The following CLCF1 variants were observed in gnomAD, a reference collection of about 807,000 sequenced individuals.
CLCF1 encodes cardiotrophin-like cytokine factor 1.
CLCF1 carries 10 observed loss-of-function variants against 21.2 expected under a neutral mutation model. The observed-to-expected ratio is 0.47, with a 90% confidence interval of 0.29 to 0.80. The LOEUF is 0.80. Ranked by LOEUF, CLCF1 falls within the 30% of genes least tolerant of loss-of-function variation. The pLI, the probability that CLCF1 is intolerant of heterozygous loss-of-function variation, is 0.09. For missense variants in CLCF1, 240 were observed against 293.4 expected, an observed-to-expected ratio of 0.82 and a Z score of 1.33; for synonymous variants, 115 against 120.5, an observed-to-expected ratio of 0.95 and a Z score of 0.30.
upstream of CLCF1, chr11:67,373,655 G>A (rs1227760072): frequency 6.4e-6 from 8 of 1,257,328 alleles, no homozygotes; most frequent in African/African-American, 9.3e-5. Context: ...CCCACTCGCA[G>A]GTTTTTTTCG....
chr11:67,365,659 G>A lies in CLCF1; in HGVS notation c.184-29C>T, dbSNP rs1862080049. 1 of 1,583,974 alleles carries A rather than the reference G, an allele frequency of 6.3e-7. No individual in the cohort carries two copies. The highest frequency in any genetic ancestry group is 1.1e-5 in the South Asian group (1 of 87,698). ...TGAAAAGGAGAGGGTGATGGGGAAGGAGGAGGGCAGAGCCGCTGGCTCACC... is the reference window on the plus strand; with the variant it reads ...TGAAAAGGAGAGGGTGATGGGGAAGAAGGAGGGCAGAGCCGCTGGCTCACC... On this transcript the variant is annotated intron_variant, in intron 2 of 2. Coordinates refer to ENST00000312438, the MANE Select transcript of CLCF1 (RefSeq NM_013246.3). The surrounding 1 kb of genome is among the most constrained non-coding windows in gnomAD (Gnocchi z 5.0).
intron 1 of CLCF1, 59 bp downstream of exon 1, chr11:67,373,465 C>G: frequency 1.0e-6 from 1 of 972,724 alleles, no homozygotes; most frequent in Non-Finnish European, 1.5e-6. Context: ...AGGACGGGAA[C>G]CGGATCTCGT....
At position 67,365,761 on chromosome 11, in the gene CLCF1, T is replaced by G; in HGVS notation, c.184-131A>C. 1.5e-6 allele frequency: 2 copies of G among 1,354,870 alleles called. No individual in the cohort carries two copies. Among genetic ancestry groups the G allele is most frequent in the Non-Finnish European group, 2.0e-6 (2 of 1,011,900 alleles). The allele number at this position is 1,354,870 out of a possible 1,614,324, so 83.9% of individuals were successfully genotyped here. The stretch of plus-strand genomic sequence containing the variant: ...TGGCCCTGTCTCCATGCTAGGCTTC[T>G]TTGTTCATGGCCTCCCTGAGTTTTT... On this transcript the variant is annotated intron_variant, in intron 2 of 2. Coordinates refer to ENST00000312438, the MANE Select transcript of CLCF1 (RefSeq NM_013246.3). The surrounding 1 kb of genome is among the most constrained non-coding windows in gnomAD (Gnocchi z 5.0).
Position 67,365,737 on chromosome 11 carries a change from G to C in CLCF1, c.184-107C>G. 6.8e-7 allele frequency: 1 copy of C among 1,465,392 alleles called. No individual in the cohort carries two copies. Among genetic ancestry groups the C allele is most frequent in the South Asian group, 1.4e-5 (1 of 71,266 alleles). The allele number at this position is 1,465,392 out of a possible 1,614,324, so 90.8% of individuals were successfully genotyped here. Reference sequence around the variant, plus strand: ...TCTATTTTTTGTGTCCCCTGACACTGGCCCTGTCTCCATGCTAGGCTTCTT... The same window carrying C: ...TCTATTTTTTGTGTCCCCTGACACTCGCCCTGTCTCCATGCTAGGCTTCTT... On this transcript the variant is annotated intron_variant, in intron 2 of 2. Transcript: ENST00000312438. The surrounding 1 kb of genome is among the most constrained non-coding windows in gnomAD (Gnocchi z 5.0).
intron 1 of CLCF1, among the ~76,000 whole-genome samples, chr11:67,371,635 G>C (rs1286424510): frequency 6.6e-6 from 1 of 152,170 alleles, no homozygotes; most frequent in Non-Finnish European, 1.5e-5. Context: ...CCAGCGGGGA[G>C]CCAGGGGGGA....
intron 1 of CLCF1, chr11:67,370,911 T>C: frequency 1.0e-6 from 1 of 985,442 alleles, no homozygotes; most frequent in Non-Finnish European, 1.2e-6. Context: ...AGGGAGGCAC[T>C]GCAGAGCTCC....
intron 1 of CLCF1, among the ~76,000 whole-genome samples, chr11:67,371,630 G>A (rs1415763075): frequency 1.3e-5 from 2 of 152,172 alleles, no homozygotes; most frequent in African/African-American, 2.4e-5. Flanking sequence ...GGAGGCCAGC[G>A]GGGAGCCAGG....
At chr11:67,370,122 G>A in intron 1 of CLCF1, 2 of 985,386 alleles carry the variant, frequency 2.0e-6, no homozygotes, top group Non-Finnish European at 2.4e-6. Context: ...AAGAAAGGGG[G>A]GGTAGAAGGA....
At chr11:67,371,750 G>T (rs564975335) in intron 1 of CLCF1, among the ~76,000 whole-genome samples, 91 of 152,230 alleles carry the variant, frequency 6.0e-4, no homozygotes, top group Non-Finnish European at 1.1e-3. Flanking sequence ...AGGGGCGTGG[G>T]GGGGGAGGAG....
chr11:67,369,296 A>G, intron 1 of CLCF1: 1 of 985,374 alleles, frequency 1.0e-6, no homozygotes. Context: ...GGGTACCACA[A>G]GTCACAGGGT....
intron 2 of CLCF1, among the ~76,000 whole-genome samples, chr11:67,366,101 A>G (rs891179818): frequency 1.3e-5 from 2 of 152,230 alleles, no homozygotes; most frequent in African/African-American, 4.8e-5. Context: ...ATGAGCCTTC[A>G]AAACACTGTC....
In CLCF1 at chr11:67,364,611, C is replaced by T. The variant is rs1031879525; in HGVS notation, c.*525G>A. ...GGGCACCTCCAATGCAGACCCCAAC[C>T]CTGCACTGTTAATCTCATCTCTTTT... is the stretch of plus-strand genomic sequence containing the variant. On this transcript the variant is annotated 3_prime_UTR_variant, in exon 3 of 3. Coordinates refer to ENST00000312438, the MANE Select transcript of CLCF1 (RefSeq NM_013246.3). 1 of 173,170 alleles carries T rather than the reference C, an allele frequency of 5.8e-6. No individual in the cohort carries two copies. Among genetic ancestry groups the T allele is most frequent in the African/African-American group, 2.4e-5 (1 of 41,770 alleles). 10.7% of individuals were successfully genotyped at this position (173,170 alleles called of 1,614,324 possible).
intron 1 of CLCF1, among the ~76,000 whole-genome samples, chr11:67,373,137 T>C (rs1271407762): frequency 8.0e-6 from 1 of 125,054 alleles, no homozygotes; most frequent in Non-Finnish European, 1.7e-5. Context: ...CCGGCCTCCC[T>C]CCCTCTTCCT....
At chr11:67,370,955 A>C (rs1862218697) in intron 1 of CLCF1, 1 of 985,268 alleles carries the variant, frequency 1.0e-6, no homozygotes, top group Non-Finnish European at 1.2e-6. Flanking sequence ...GGCTGGGCTG[A>C]ATATGGGAGC....
intron 1 of CLCF1, chr11:67,367,847 A>T (rs1862148371): frequency 1.0e-6 from 1 of 985,294 alleles, no homozygotes; most frequent in African/African-American, 1.7e-5. Context: ...GGCACGCATG[A>T]GTGTCTATCA....
intron 1 of CLCF1, chr11:67,368,493 G>C (rs1156754442): frequency 1.0e-6 from 1 of 985,252 alleles, no homozygotes; most frequent in Non-Finnish European, 1.2e-6. Context: ...AGAGGCCAGG[G>C]TTGGGTGCTG....
At chr11:67,368,170 T>C in intron 1 of CLCF1, 1 of 985,326 alleles carries the variant, frequency 1.0e-6, no homozygotes, top group Non-Finnish European at 1.2e-6. Context: ...AAGCAAGGTA[T>C]AGGGTTAGAC....
upstream of CLCF1, chr11:67,373,741 G>C (rs1175414374): frequency 1.5e-5 from 18 of 1,168,812 alleles, no homozygotes; most frequent in Non-Finnish European, 1.8e-5. Flanking sequence ...GACGTGTAAA[G>C]CTGTAACCAC....
chr11:67,366,224 G>T (rs550532313), intron 2 of CLCF1, among the ~76,000 whole-genome samples: 1 of 152,162 alleles, frequency 6.6e-6, no homozygotes, highest in Non-Finnish European at 1.5e-5. Context: ...GAGGCAGAGG[G>T]TGTAGACCAC....
Sources: allele counts gnomAD v4.1 joint callset (sites outside exome capture counted in the v4.1 genomes callset), GRCh38; gene constraint gnomAD v4.1.1; non-coding constraint Gnocchi (gnomAD v3.1); transcripts MANE v1.5; gene names NCBI Gene and HGNC (gene_info 2026-07-23, HGNC 2026-07-21).